The following SMYD3 variants were observed in gnomAD, a reference collection of about 807,000 sequenced individuals.
SMYD3 encodes histone-lysine N-methyltransferase SMYD3.
Under a neutral mutation model 57.7 loss-of-function variants are expected in SMYD3, and 36 were observed. The ratio of observed to expected loss-of-function variants is 0.62; its 90% CI spans 0.48 to 0.82. The LOEUF is 0.82. Among genes scored for constraint, SMYD3 ranks in the 40% least tolerant of loss-of-function variants. SMYD3 has a pLI of 0.00. For synonymous variants in SMYD3, 211 were observed against 195.0 expected, an observed-to-expected ratio of 1.08 and a Z score of -0.68; for missense variants, 515 against 538.8, an observed-to-expected ratio of 0.96 and a Z score of 0.44.
chr1:245,932,783 A>C (rs10802299), intron 5 of SMYD3, among the ~76,000 whole-genome samples: 121,442 of 152,096 alleles, frequency 0.8, 49,738 homozygotes, highest in Non-Finnish European at 0.9. Flanking sequence ...GCTGACCTTG[A>C]ACTCCTGGCC....
intron 10 of SMYD3, among the ~76,000 whole-genome samples, chr1:245,810,579 G>A (rs1291534517): frequency 3.9e-5 from 6 of 152,200 alleles, no homozygotes; most frequent in Non-Finnish European, 7.3e-5. Context: ...TGGGGGCAGG[G>A]TTTGGGGAGT....
intron 5 of SMYD3, among the ~76,000 whole-genome samples, chr1:245,951,618 C>A (rs889110862): frequency 6.7e-6 from 1 of 150,222 alleles, no homozygotes; most frequent in Non-Finnish European, 1.5e-5. Flanking sequence ...CTACCTCCTA[C>A]GAGTCTGACT....
At chr1:246,406,845 TC>T (rs2066873902) in intron 1 of SMYD3, among the ~76,000 whole-genome samples, 1 of 152,202 alleles carries the variant, frequency 6.6e-6, no homozygotes, top group Non-Finnish European at 1.5e-5. Flanking sequence ...GCAGCAGTCC[TC>T]CCTTCAAAAC....
chr1:245,994,978 AG>A (rs1558567436), intron 5 of SMYD3, among the ~76,000 whole-genome samples: 1 of 152,118 alleles, frequency 6.6e-6, no homozygotes. Flanking sequence ...TATAAAAATT[AG>A]CTGAGGGTGG....
chr1:246,378,259 C>T (rs1439919986), intron 1 of SMYD3, among the ~76,000 whole-genome samples: 1 of 151,968 alleles, frequency 6.6e-6, no homozygotes, highest in Non-Finnish European at 1.5e-5. Flanking sequence ...TTTAGTTGAC[C>T]ACTGTGATGG....
intron 1 of SMYD3, among the ~76,000 whole-genome samples, chr1:246,431,203 T>C (rs1183457892): frequency 6.6e-6 from 1 of 152,042 alleles, no homozygotes; most frequent in Non-Finnish European, 1.5e-5. Context: ...AATACAAAAA[T>C]ATGTATCTTA....
intron 8 of SMYD3, among the ~76,000 whole-genome samples, chr1:245,907,268 T>C (rs1305729587): frequency 6.6e-6 from 1 of 152,224 alleles, no homozygotes; most frequent in Non-Finnish European, 1.5e-5. Flanking sequence ...ATGGATACCA[T>C]ATTTTCCTTA....
chr1:245,936,869 T>C (rs1327005294), intron 5 of SMYD3, among the ~76,000 whole-genome samples: 1 of 152,182 alleles, frequency 6.6e-6, no homozygotes, highest in Non-Finnish European at 1.5e-5. Context: ...AAAAATGTTG[T>C]GGTAATAATG....
At chr1:246,006,393 G>GT (rs1354181134) in intron 5 of SMYD3, among the ~76,000 whole-genome samples, 1 of 152,050 alleles carries the variant, frequency 6.6e-6, no homozygotes, top group Non-Finnish European at 1.5e-5. Context: ...CTGGACCCAC[G>GT]TAGGTTCCTC....
At chr1:246,111,054 G>A (rs1448342510) in intron 5 of SMYD3, among the ~76,000 whole-genome samples, 1 of 152,044 alleles carries the variant, frequency 6.6e-6, no homozygotes, top group East Asian at 1.9e-4. Flanking sequence ...AATGACAGGT[G>A]AGCCTTACCA....
intron 5 of SMYD3, among the ~76,000 whole-genome samples, chr1:246,282,303 TACAAAAAAAAAAAAAA>T (rs2064461175): frequency 3.9e-5 from 1 of 25,374 alleles, no homozygotes; most frequent in Non-Finnish European, 6.7e-5. Context: ...CCCTCATCTC[TACAAAAAAAAAAAAAA>T]AAAAAAAAAA....
intron 8 of SMYD3, among the ~76,000 whole-genome samples, chr1:245,908,091 G>A (rs1055243112): frequency 7.3e-5 from 11 of 151,720 alleles, no homozygotes; most frequent in Non-Finnish European, 1.5e-4. Flanking sequence ...AGCTGAGATC[G>A]CGCCACTGCA....
chr1:246,366,739 G>T (rs2066109253), intron 1 of SMYD3, among the ~76,000 whole-genome samples: 1 of 151,798 alleles, frequency 6.6e-6, no homozygotes, highest in African/African-American at 2.4e-5. Flanking sequence ...TTTGAGACCA[G>T]CCTGACCATG....
chr1:246,458,356 A>G lies in SMYD3; in HGVS notation c.164+48698T>C, dbSNP rs146547560. On this transcript the variant is annotated intron_variant, in intron 1 of 11. Transcript: ENST00000490107. ...AAAACTGAAGACTAATTCTGAAGTGATATCATCAACATAGCTCATCTGTGC... is the reference window on the plus strand; with the variant it reads ...AAAACTGAAGACTAATTCTGAAGTGGTATCATCAACATAGCTCATCTGTGC... 2.0e-3 allele frequency among the ~76,000 whole-genome samples: 306 copies of G among 151,794 alleles called. 3 individuals carry two copies. Among genetic ancestry groups the G allele is most frequent in the African/African-American group, 7.1e-3 (294 of 41,464 alleles).
At chr1:245,820,762 G>A (rs2049115492) in intron 10 of SMYD3, among the ~76,000 whole-genome samples, 2 of 150,746 alleles carry the variant, frequency 1.3e-5, no homozygotes, top group Admixed American at 6.6e-5. Context: ...CAGACAAACA[G>A]AGAGCCAAAT....
chr1:245,867,383 T>G (rs1380430064), intron 8 of SMYD3, among the ~76,000 whole-genome samples: 1 of 152,190 alleles, frequency 6.6e-6, no homozygotes. Context: ...ATGCTATATT[T>G]ATGATCAATT....
At chr1:245,787,020 T>TA (rs2047070716) in intron 10 of SMYD3, among the ~76,000 whole-genome samples, 1 of 152,234 alleles carries the variant, frequency 6.6e-6, no homozygotes, top group South Asian at 2.1e-4. Context: ...GATGGAGTAA[T>TA]ATAATTTGCT....
intron 5 of SMYD3, among the ~76,000 whole-genome samples, chr1:246,315,461 A>G (rs2065141765): frequency 6.6e-6 from 1 of 152,220 alleles, no homozygotes. Context: ...ACACCCTTCC[A>G]TGATGCACCA....
At chr1:246,414,344 A>C (rs576054866) in intron 1 of SMYD3, among the ~76,000 whole-genome samples, 1 of 152,304 alleles carries the variant, frequency 6.6e-6, no homozygotes, top group South Asian at 2.1e-4. Context: ...GAAAGGAAAA[A>C]CTAAGAACAT....
Sources: allele counts gnomAD v4.1 joint callset (sites outside exome capture counted in the v4.1 genomes callset), GRCh38; gene constraint gnomAD v4.1.1; transcripts MANE v1.5; gene names NCBI Gene and HGNC (gene_info 2026-07-23, HGNC 2026-07-21).